Variants in ANK3 observed in about 807,000 individuals in gnomAD.
ANK3 encodes the protein ankyrin 3.
A neutral mutation model predicts 370.9 loss-of-function variants in ANK3; 57 were observed. That is an observed-to-expected ratio of 0.15 (90% CI 0.12 to 0.19). The LOEUF is 0.19. Among genes scored for constraint, ANK3 ranks in the 10% least tolerant of loss-of-function variants. The probability of loss-of-function intolerance (pLI) is 1.00; values close to 1 mark genes in which losing one functional copy is unlikely to be tolerated. For missense variants in ANK3, 4,439 were observed against 5,302.1 expected, an observed-to-expected ratio of 0.84 and a Z score of 5.06; for synonymous variants, 1,929 against 1,946.3, an observed-to-expected ratio of 0.99 and a Z score of 0.23.
chr10:60,521,570 C>T (rs2076347761), intron 2 of ANK3, among the ~76,000 whole-genome samples: 1 of 151,998 alleles, frequency 6.6e-6, no homozygotes, highest in African/African-American at 2.4e-5. Flanking sequence ...GATGAATTAC[C>T]TTTGTAAGAC....
At position 60,069,174 on chromosome 10, in the gene ANK3, T is replaced by C; in HGVS notation, c.11707A>G (p.Thr3903Ala). 6.2e-7 allele frequency: 1 copy of C among 1,614,210 alleles called. No individual in the cohort carries two copies. Among genetic ancestry groups the C allele is most frequent in the African/African-American group, 1.3e-5 (1 of 75,062 alleles). Residue 3903 changes from threonine to alanine, a missense_variant, in exon 37 of 44, where the codon ACT becomes GCT. Physicochemically the swap from Thr to Ala is moderately conservative, Grantham distance 58. Around this residue, in one of 13 missense-constraint regions of ANK3, gnomAD observed 496 missense variants for 529.3 expected, o/e 0.94. Coordinates refer to ENST00000280772, the MANE Select transcript of ANK3 (RefSeq NM_020987.5). Reference protein sequence around the residue: ...SQSEKTKALTTSSCVDVKSRI... With the variant: ...SQSEKTKALTASSCVDVKSRI... ...GACTTTACATCTACACATGAAGAAG[T>C]AGTAAGGGCTTTGGTTTTCTCGGAT...
chr10:60,277,202 C>T (rs1298735846), intron 4 of ANK3, among the ~76,000 whole-genome samples: 1 of 152,132 alleles, frequency 6.6e-6, no homozygotes, highest in African/African-American at 2.4e-5. Context: ...GAGGAAGTCA[C>T]TACAATTCTG....
chr10:60,195,425 A>G (rs2096571485), intron 16 of ANK3, among the ~76,000 whole-genome samples: 1 of 151,006 alleles, frequency 6.6e-6, no homozygotes. Flanking sequence ...ATCATAAGGG[A>G]TACTCAATGG....
chr10:60,041,761 C>G (rs1397694875), intron 43 of ANK3, among the ~76,000 whole-genome samples: 1 of 152,128 alleles, frequency 6.6e-6, no homozygotes, highest in Non-Finnish European at 1.5e-5. Context: ...GAATTGAGAA[C>G]TTACCTGGGC....
chr10:60,273,238 T>C (rs937287798), intron 4 of ANK3, among the ~76,000 whole-genome samples: 2 of 152,234 alleles, frequency 1.3e-5, no homozygotes, highest in Non-Finnish European at 2.9e-5. Context: ...AGCTTTCTAC[T>C]TTCTTTTTGA....
intron 9 of ANK3, among the ~76,000 whole-genome samples, chr10:60,209,404 A>G (rs1008026844): frequency 5.9e-5 from 9 of 152,190 alleles, no homozygotes; most frequent in Admixed American, 3.3e-4. Flanking sequence ...AAAAAGTAGT[A>G]TAAGCTCCTT....
At chr10:60,665,979 A>G (rs2078990708) in intron 1 of ANK3, among the ~76,000 whole-genome samples, 1 of 152,240 alleles carries the variant, frequency 6.6e-6, no homozygotes, top group African/African-American at 2.4e-5. Context: ...AAAATGGTGC[A>G]GCTGCTGTTG....
At chr10:60,708,764 G>C (rs2079655917) in intron 1 of ANK3, among the ~76,000 whole-genome samples, 1 of 152,140 alleles carries the variant, frequency 6.6e-6, no homozygotes, top group East Asian at 1.9e-4. Flanking sequence ...TGAAGGCACA[G>C]CTCAGGAGTA....
At chr10:60,714,133 T>C (rs932765407) in intron 1 of ANK3, among the ~76,000 whole-genome samples, 2 of 152,176 alleles carry the variant, frequency 1.3e-5, no homozygotes, top group Non-Finnish European at 2.9e-5. Context: ...ATAAATTTTA[T>C]AACCTAGATG....
At chr10:60,728,646 G>A (rs542023279) in intron 1 of ANK3, among the ~76,000 whole-genome samples, 2 of 152,070 alleles carry the variant, frequency 1.3e-5, no homozygotes, top group African/African-American at 2.4e-5. Flanking sequence ...CCTCTCCTTC[G>A]TCTAGTGAAG....
intron 2 of ANK3, among the ~76,000 whole-genome samples, chr10:60,403,682 G>A (rs1342511006): frequency 6.6e-6 from 1 of 152,084 alleles, no homozygotes. Flanking sequence ...CCACCTCCCG[G>A]GTTCACACCA....
chr10:60,474,654 G>C (rs1371537373), intron 2 of ANK3, among the ~76,000 whole-genome samples: 1 of 152,060 alleles, frequency 6.6e-6, no homozygotes, highest in Non-Finnish European at 1.5e-5. Context: ...TTTTCTTTTG[G>C]CTAAGAATAA....
chr10:60,547,337 C>T (rs2076987947), intron 2 of ANK3, among the ~76,000 whole-genome samples: 1 of 152,042 alleles, frequency 6.6e-6, no homozygotes, highest in South Asian at 2.1e-4. Context: ...ATGATCCACT[C>T]GCTTCGGCCT....
chr10:60,655,409 GT>G (rs1331396041), intron 1 of ANK3, among the ~76,000 whole-genome samples: 1 of 151,538 alleles, frequency 6.6e-6, no homozygotes, highest in African/African-American at 2.4e-5. Flanking sequence ...GATAATGTGT[GT>G]ATTTGTGTCT....
chr10:60,488,892 T>A (rs1321234313), intron 2 of ANK3, among the ~76,000 whole-genome samples: 2 of 152,248 alleles, frequency 1.3e-5, no homozygotes, highest in Admixed American at 1.3e-4. Flanking sequence ...TTAAATCAAA[T>A]AATTAATCTT....
intron 8 of ANK3, among the ~76,000 whole-genome samples, chr10:60,215,885 A>C (rs950131995): frequency 6.6e-6 from 1 of 152,186 alleles, no homozygotes; most frequent in Admixed American, 6.5e-5. Context: ...TTCTGTGAAG[A>C]ATGTCAATGG....
chr10:60,477,956 C>T (rs1174621003), intron 2 of ANK3, among the ~76,000 whole-genome samples: 1 of 152,018 alleles, frequency 6.6e-6, no homozygotes, highest in African/African-American at 2.4e-5. Context: ...AGTCAGGTGA[C>T]TTTGTAAAAC....
At chr10:60,451,337 T>G (rs1297588159) in intron 2 of ANK3, among the ~76,000 whole-genome samples, 1 of 152,214 alleles carries the variant, frequency 6.6e-6, no homozygotes, top group Non-Finnish European at 1.5e-5. Context: ...GAAACTCATA[T>G]AGCCTTTAAA....
At chr10:60,408,786 C>T (rs887609712) in intron 2 of ANK3, among the ~76,000 whole-genome samples, 2 of 152,118 alleles carry the variant, frequency 1.3e-5, no homozygotes, top group African/African-American at 4.8e-5. Context: ...GATATGGAGG[C>T]TTTCCTCTTA....
Sources: allele counts gnomAD v4.1 joint callset (sites outside exome capture counted in the v4.1 genomes callset), GRCh38; gene constraint gnomAD v4.1.1; regional missense constraint gnomAD v4.1.1; transcripts MANE v1.5; gene names NCBI Gene and HGNC (gene_info 2026-07-23, HGNC 2026-07-21).